GPC5: variants seen among roughly 807,000 people sequenced by gnomAD.
GPC5 encodes the protein glypican-5.
GPC5 carries 47 observed loss-of-function variants against 53.9 expected under a neutral mutation model. That is an observed-to-expected ratio of 0.87 (90% CI 0.69 to 1.11). The LOEUF (loss-of-function observed/expected upper bound fraction) is 1.11. Among genes scored for constraint, GPC5 ranks in the 50% most tolerant of loss-of-function variants. The probability of loss-of-function intolerance (pLI) is 0.00; values close to 1 mark genes in which losing one functional copy is unlikely to be tolerated. For missense variants in GPC5, 748 were observed against 713.1 expected, an observed-to-expected ratio of 1.05 and a Z score of -0.56; for synonymous variants, 286 against 263.3, an observed-to-expected ratio of 1.09 and a Z score of -0.84.
chr13:92,277,021 A>G (rs1324373077), intron 7 of GPC5, among the ~76,000 whole-genome samples: 1 of 151,886 alleles, frequency 6.6e-6, no homozygotes, highest in African/African-American at 2.4e-5. Context: ...CTTTATATTT[A>G]CAGGAAATGC....
chr13:91,654,182 G>T (rs939616269), intron 2 of GPC5, among the ~76,000 whole-genome samples: 1 of 152,076 alleles, frequency 6.6e-6, no homozygotes, highest in Non-Finnish European at 1.5e-5. Context: ...TGAATTCCTG[G>T]TTCCACACAG....
chr13:92,645,818 G>A (rs1309704942), intron 7 of GPC5, among the ~76,000 whole-genome samples: 2 of 151,690 alleles, frequency 1.3e-5, no homozygotes, highest in African/African-American at 4.8e-5. Flanking sequence ...GCTATCATTG[G>A]TTTTTGGTGA....
chr13:91,824,898 A>G (rs1476261234), intron 5 of GPC5, among the ~76,000 whole-genome samples: 1 of 152,132 alleles, frequency 6.6e-6, no homozygotes, highest in Non-Finnish European at 1.5e-5. Context: ...ATGAAATATT[A>G]CATTTAATTC....
In GPC5 at chr13:92,175,225, A is replaced by C. The variant is rs76014708; in HGVS notation, c.1561+30236A>C. On this transcript the variant is annotated intron_variant, in intron 7 of 7. Transcript: ENST00000377067. Reference sequence around the variant, plus strand: ...ATGTTGGCATATTAGTGAAACATATATTTATTAACCTGTTTTCAGATTTAA... The same window carrying C: ...ATGTTGGCATATTAGTGAAACATATCTTTATTAACCTGTTTTCAGATTTAA... Among the ~76,000 whole-genome samples, 1,383 of 152,308 alleles carry C rather than the reference A, an allele frequency of 9.1e-3. 32 individuals are homozygous for C. Among genetic ancestry groups the C allele is most frequent in the African/African-American group, 0.031 (1,287 of 41,566 alleles).
chr13:91,966,017 G>A (rs1443594276), intron 6 of GPC5, among the ~76,000 whole-genome samples: 1 of 152,048 alleles, frequency 6.6e-6, no homozygotes, highest in Non-Finnish European at 1.5e-5. Context: ...GTACTTACTA[G>A]AAACCAGCAA....
Position 92,752,846 on chromosome 13 carries a change from G to C in GPC5, c.1562-113436G>C, listed in dbSNP as rs557490213. Among the ~76,000 whole-genome samples, 4 of 152,288 alleles carry C rather than the reference G, an allele frequency of 2.6e-5. No individual in the cohort carries two copies. In the South Asian group the frequency reaches 8.3e-4, roughly 32 times the overall value. On this transcript the variant is annotated intron_variant, in intron 7 of 7. Coordinates refer to ENST00000377067, the MANE Select transcript of GPC5 (RefSeq NM_004466.6). ...CCTGGCTCGGAGGGACCTACGCCCA[G>C]GGAGTCTCGCTGATTGCTAGCACAG...
rs141394319 is a variant in GPC5 at position 91,445,337 on chromosome 13, T to C, written c.164-3424T>C. ...ACTACCAGGAGGGCTAGAAAGTGGC[T>C]AACTGGTGGGACGCATAGACAGCGG... On this transcript the variant is annotated intron_variant, in intron 1 of 7. Coordinates refer to ENST00000377067, the MANE Select transcript of GPC5 (RefSeq NM_004466.6). Among the ~76,000 whole-genome samples, 3 of 152,114 alleles carry C rather than the reference T, an allele frequency of 2.0e-5. No homozygotes were observed. In the East Asian group the frequency reaches 5.8e-4, roughly 29 times the overall value.
intron 7 of GPC5, among the ~76,000 whole-genome samples, chr13:92,174,315 A>C (rs2042092329): frequency 6.6e-6 from 1 of 151,222 alleles, no homozygotes; most frequent in Non-Finnish European, 1.5e-5. Flanking sequence ...AGGTCAGGAA[A>C]TTGAGACCAT....
intron 7 of GPC5, among the ~76,000 whole-genome samples, chr13:92,283,684 T>C (rs2139172642): frequency 6.6e-6 from 1 of 152,308 alleles, no homozygotes; most frequent in East Asian, 1.9e-4. Flanking sequence ...AAGATGTTCT[T>C]TGAAACCAAT....
At chr13:92,344,698 C>T (rs140889520) in intron 7 of GPC5, among the ~76,000 whole-genome samples, 80 of 152,190 alleles carry the variant, frequency 5.3e-4, no homozygotes, top group African/African-American at 1.9e-3. Flanking sequence ...CAGGGTCTTA[C>T]GTAGTTTTGA....
At chr13:92,607,326 C>A (rs1884289732) in intron 7 of GPC5, among the ~76,000 whole-genome samples, 1 of 152,302 alleles carries the variant, frequency 6.6e-6, no homozygotes, top group Admixed American at 6.5e-5. Context: ...GCAACATATT[C>A]AGGCTCATTA....
At chr13:92,362,052 ATAAC>A (rs903982277) in intron 7 of GPC5, among the ~76,000 whole-genome samples, 10 of 151,780 alleles carry the variant, frequency 6.6e-5, no homozygotes, top group African/African-American at 2.2e-4. Flanking sequence ...AAAAATAAGA[ATAAC>A]TATTATTACT....
At chr13:91,427,817 G>A (rs1439444566) in intron 1 of GPC5, among the ~76,000 whole-genome samples, 1 of 152,150 alleles carries the variant, frequency 6.6e-6, no homozygotes, top group Non-Finnish European at 1.5e-5. Flanking sequence ...GACCTGGGGG[G>A]AAGTGATTAG....
chr13:92,372,456 C>T (rs2043658590), intron 7 of GPC5, among the ~76,000 whole-genome samples: 1 of 152,122 alleles, frequency 6.6e-6, no homozygotes, highest in Non-Finnish European at 1.5e-5. Context: ...GCTTTTTATA[C>T]TCTTTTTATG....
chr13:91,670,315 A>G (rs1302464269), intron 2 of GPC5, among the ~76,000 whole-genome samples: 5 of 152,200 alleles, frequency 3.3e-5, no homozygotes, highest in Admixed American at 1.3e-4. Flanking sequence ...GAACTAGGAG[A>G]GAATTCAGTG....
intron 7 of GPC5, among the ~76,000 whole-genome samples, chr13:92,806,643 A>G (rs1437510153): frequency 6.6e-6 from 1 of 152,000 alleles, no homozygotes; most frequent in Non-Finnish European, 1.5e-5. Context: ...TATTTTCAGT[A>G]TTGTTGTGTC....
intron 7 of GPC5, among the ~76,000 whole-genome samples, chr13:92,422,477 C>A (rs1186935134): frequency 3.5e-5 from 5 of 142,902 alleles, no homozygotes; most frequent in African/African-American, 1.3e-4. Flanking sequence ...TAAGCACCAC[C>A]CATCACCATC....
intron 1 of GPC5, among the ~76,000 whole-genome samples, chr13:91,410,568 G>C (rs111590864): frequency 6.6e-6 from 1 of 151,410 alleles, no homozygotes; most frequent in Non-Finnish European, 1.5e-5. Context: ...GGATGGTCTC[G>C]ATCTCCTGAC....
At chr13:92,663,578 T>TA (rs1291024679) in intron 7 of GPC5, among the ~76,000 whole-genome samples, 3 of 81,824 alleles carry the variant, frequency 3.7e-5, no homozygotes, top group Non-Finnish European at 9.4e-5. Flanking sequence ...TTCTACTAAA[T>TA]ATATATATAT....
Sources: gnomAD v4.1 joint callset for allele counts (sites outside exome capture counted in the v4.1 genomes callset) on GRCh38, gnomAD v4.1.1 for gene constraint, MANE v1.5 for transcripts, NCBI Gene and HGNC (gene_info 2026-07-23, HGNC 2026-07-21) for gene names.